The following RADIL variants were observed in gnomAD, a reference collection of about 807,000 sequenced individuals.
RADIL encodes ras-associating and dilute domain-containing protein.
Under a neutral mutation model 97.6 loss-of-function variants are expected in RADIL, and 99 were observed. That is an observed-to-expected ratio of 1.01 (90% CI 0.86 to 1.20). The LOEUF (loss-of-function observed/expected upper bound fraction) is 1.20, where lower values mean the gene tolerates loss of function less well. Ranked by LOEUF, RADIL falls within the 50% of genes most tolerant of loss-of-function variation. The pLI is 0.00. For missense variants in RADIL, 1,765 were observed against 1,498.9 expected, an observed-to-expected ratio of 1.18 and a Z score of -2.93; for synonymous variants, 803 against 691.8, an observed-to-expected ratio of 1.16 and a Z score of -2.52.
rs1487607112 is a variant in RADIL, at chr7:4,818,674, C to T, written c.1616-1323G>A. Among the ~76,000 whole-genome samples, 1 of 152,194 alleles carries T rather than the reference C, an allele frequency of 6.6e-6. No individual in the cohort carries two copies. The highest frequency in any genetic ancestry group is 2.4e-5 in the African/African-American group (1 of 41,460). ...TGCCGGCAAAGGATATTCACAGCCA[C>T]GGCAGGCGGGTCAGGAGGCTGAGCT... On this transcript the variant is annotated intron_variant, in intron 6 of 14. Coordinates refer to ENST00000399583, the MANE Select transcript of RADIL (RefSeq NM_018059.5). The surrounding 1 kb of genome is among the most constrained non-coding windows in gnomAD (Gnocchi z 7.1).
At chr7:4,861,255 T>G (rs1276414250) in intron 2 of RADIL, 2 of 1,614,174 alleles carry the variant, frequency 1.2e-6, no homozygotes, top group Non-Finnish European at 1.7e-6. Flanking sequence ...CTGTCATCTC[T>G]TAAGTCCAAA....
chr7:4,800,395 G>T, intron 12 of RADIL, 85 bp from the exon 13 acceptor site: 1 of 1,343,470 alleles, frequency 7.4e-7, no homozygotes, highest in South Asian at 1.6e-5. Context: ...GGCTGCCTCT[G>T]TAGGGCGTCA....
rs1265455416 is a variant in RADIL, at chr7:4,872,198, A to G, written c.535+5407T>C. On this transcript the variant is annotated intron_variant, in intron 2 of 14. Coordinates refer to ENST00000399583, the MANE Select transcript of RADIL (RefSeq NM_018059.5). This position sits in a 1 kb window ranked among gnomAD's most constrained non-coding sequence, Gnocchi z 5.8. ...GCCAGGTCCAATACTGCAGCTCTCAATAGAGGGCAGGTCTGCCTCCAGGGA... is the reference window on the plus strand; with the variant it reads ...GCCAGGTCCAATACTGCAGCTCTCAGTAGAGGGCAGGTCTGCCTCCAGGGA... Among the ~76,000 whole-genome samples, 1 of 152,156 alleles carries G rather than the reference A, an allele frequency of 6.6e-6. No homozygotes were observed. The highest frequency in any genetic ancestry group is 1.5e-5 in the Non-Finnish European group (1 of 68,020).
At position 4,856,327 on chromosome 7, in the gene RADIL, C is replaced by A. The variant is rs1043834471; in HGVS notation, c.536-19722G>T. Among the ~76,000 whole-genome samples the A allele has an allele frequency of 5.3e-5, 8 of 151,924 alleles. No individual in the cohort carries two copies. The South Asian group carries it at 8.3e-4, about 16-fold the overall frequency. ...TTTTTGCCATGTTGCCCAGGCTGAT[C>A]TCGAACTCCTGGTCTCAAGCGATCC... On this transcript the variant is annotated intron_variant, in intron 2 of 14. Coordinates refer to ENST00000399583, the MANE Select transcript of RADIL (RefSeq NM_018059.5).
At position 4,817,312 on chromosome 7, in the gene RADIL, C is replaced by T. The variant is rs1390490897; in HGVS notation, c.1655G>A (p.Ser552Asn). 1 of 1,612,532 alleles carries T rather than the reference C, an allele frequency of 6.2e-7. No individual in the cohort carries two copies. Among genetic ancestry groups the T allele is most frequent in the African/African-American group, 1.3e-5 (1 of 74,928 alleles). ...ESLFSCTLTASEEAMAVLEEV... is the reference protein window; with the variant it reads ...ESLFSCTLTANEEAMAVLEEV... The stretch of plus-strand genomic sequence containing the variant: ...CTCCAGCACCGCCATGGCCTCCTCG[C>T]TGGCCGTCAGCGTGCAGGAGAACAG... Residue 552 changes from serine (S) to asparagine (N), a missense_variant, in exon 7 of 15, where the codon AGC (serine) becomes AAC (asparagine). Coordinates refer to ENST00000399583, the MANE Select transcript of RADIL (RefSeq NM_018059.5). This position sits in a 1 kb window ranked among gnomAD's most constrained non-coding sequence, Gnocchi z 8.3.
intron 5 of RADIL, among the ~76,000 whole-genome samples, 188 bp downstream of exon 5, chr7:4,831,953 T>C (rs1188006947): frequency 6.6e-6 from 1 of 152,042 alleles, no homozygotes; most frequent in African/African-American, 2.4e-5. Flanking sequence ...TGAAGCAATT[T>C]CCCAAAACTC....
At position 4,859,907 on chromosome 7, in the gene RADIL, A is replaced by T. The variant is rs780162758; in HGVS notation, c.535+17698T>A. 3.1e-6 allele frequency: 5 copies of T among 1,604,184 alleles called. 1 individual carries two copies. Among genetic ancestry groups the T allele is most frequent in the South Asian group, 1.1e-5 (1 of 90,736 alleles). Reference sequence around the variant, plus strand: ...TCCTCTAGACTCCAACTATAGGATTAGATATGTTTGTTGCTGAGTTTCCTG... The same window carrying T: ...TCCTCTAGACTCCAACTATAGGATTTGATATGTTTGTTGCTGAGTTTCCTG... On this transcript the variant is annotated intron_variant, in intron 2 of 14. Coordinates refer to ENST00000399583, the MANE Select transcript of RADIL (RefSeq NM_018059.5).
intron 2 of RADIL, among the ~76,000 whole-genome samples, chr7:4,855,393 G>C (rs1583309995): frequency 6.6e-6 from 1 of 151,998 alleles, no homozygotes; most frequent in East Asian, 1.9e-4. Context: ...AGACTAAGGG[G>C]ATCAGTAAGA....
intron 2 of RADIL, chr7:4,861,770 G>T: frequency 6.7e-7 from 1 of 1,485,870 alleles, no homozygotes; most frequent in Non-Finnish European, 8.9e-7. Flanking sequence ...CGGCGGCGCC[G>T]GCTGCGGTGG....
At chr7:4,864,614 A>T (rs962794971) in intron 2 of RADIL, among the ~76,000 whole-genome samples, 1 of 152,176 alleles carries the variant, frequency 6.6e-6, no homozygotes, top group Non-Finnish European at 1.5e-5. Context: ...TTAGGAAATG[A>T]CATCTCTTTC....
At chr7:4,843,950 T>G (rs1783508124) in intron 2 of RADIL, among the ~76,000 whole-genome samples, 1 of 149,022 alleles carries the variant, frequency 6.7e-6, no homozygotes, top group Non-Finnish European at 1.5e-5. Flanking sequence ...GAAGGAACTG[T>G]GGCTAAACAG....
intron 5 of RADIL, among the ~76,000 whole-genome samples, chr7:4,830,234 A>G (rs898890376): frequency 6.6e-6 from 1 of 152,212 alleles, no homozygotes; most frequent in Non-Finnish European, 1.5e-5. Context: ...GCAGTGGCTG[A>G]AAGTCATTCC....
chr7:4,847,335 C>A (rs886434437), intron 2 of RADIL, among the ~76,000 whole-genome samples: 7 of 152,040 alleles, frequency 4.6e-5, no homozygotes, highest in Admixed American at 1.3e-4. Flanking sequence ...ACAACAACAA[C>A]AAAAAAGTTA....
At chr7:4,805,220 G>A (rs576898068) in intron 10 of RADIL, 47 of 305,066 alleles carry the variant, frequency 1.5e-4, no homozygotes, top group African/African-American at 5.9e-4. Flanking sequence ...GCGTCCCCAC[G>A]GCTGTGTACC....
rs552125019 is a variant in RADIL, at chr7:4,836,567, C to G, written c.574G>C (p.Ala192Pro). 6.2e-7 allele frequency: 1 copy of G among 1,607,478 alleles called. No homozygotes were observed. Among genetic ancestry groups the G allele is most frequent in the Non-Finnish European group, 8.5e-7 (1 of 1,179,488 alleles). ...AQARRLQRSRAKGTPTPALGD... is the reference protein window; with the variant it reads ...AQARRLQRSRPKGTPTPALGD... ...AGGGCCGGGGTCGGGGTTCCCTTCG[C>G]GCGACTCCGCTGCAGCCTCCGGGCC... is the stretch of plus-strand genomic sequence containing the variant. Residue 192 changes from alanine (A) to proline (P), a missense_variant, in exon 3 of 15, where the codon GCG becomes CCG. Physicochemically the swap from Ala to Pro is conservative, Grantham distance 27. Transcript: ENST00000399583.
chr7:4,801,563 C>G, intron 12 of RADIL, 90 bp downstream of exon 12: 2 of 1,398,502 alleles, frequency 1.4e-6, no homozygotes, highest in South Asian at 1.3e-5. Flanking sequence ...AACCTAGGAC[C>G]CAAGGGGGGA....
Position 4,879,825 on chromosome 7 carries a change from G to A in RADIL, c.-64-1622C>T, listed in dbSNP as rs949724313. Reference sequence around the variant, plus strand: ...ACTGGCCTCTTTCTAATATCACCGGGGCGTGGGTCATCTTCTCTGGAGCCT... The same window carrying A: ...ACTGGCCTCTTTCTAATATCACCGGAGCGTGGGTCATCTTCTCTGGAGCCT... On this transcript the variant is annotated intron_variant, in intron 1 of 14. Coordinates refer to ENST00000399583, the MANE Select transcript of RADIL (RefSeq NM_018059.5). This position sits in a 1 kb window ranked among gnomAD's most constrained non-coding sequence, Gnocchi z 4.1. 3.9e-5 allele frequency among the ~76,000 whole-genome samples: 6 copies of A among 152,110 alleles called. No homozygotes were observed. In the South Asian group the frequency reaches 8.3e-4, roughly 21 times the overall value.
In RADIL at chr7:4,837,755, C is replaced by T. The variant is rs1783339427; in HGVS notation, c.536-1150G>A. On this transcript the variant is annotated intron_variant, in intron 2 of 14. Transcript: ENST00000399583. This position sits in a 1 kb window ranked among gnomAD's most constrained non-coding sequence, Gnocchi z 5.6. The stretch of plus-strand genomic sequence containing the variant: ...CACACCCTTAGAAGACTTAATATCT[C>T]ATAAATACAGACACGCTCTCTAAAT... The T allele has an allele frequency of 1.2e-6, 1 of 840,856 alleles. No individual in the cohort carries two copies. The highest frequency in any genetic ancestry group is 5.5e-5 in the South Asian group (1 of 18,272). The allele number at this position is 840,856 out of a possible 1,614,324, so 52.1% of individuals were successfully genotyped here. A position where few individuals can be genotyped will look rare whatever the true frequency, so the allele number is the denominator to read the frequency against.
Position 4,799,323 on chromosome 7 carries a change from A to G in RADIL, c.*55T>C, listed in dbSNP as rs535985608. ...CAGGGACGAAGGCGGGAGGAAGCCC[A>G]GTGTCACCAGGTGGGACCGGGTGCC... is the stretch of plus-strand genomic sequence containing the variant. On this transcript the variant is annotated 3_prime_UTR_variant, in exon 15 of 15. Coordinates refer to ENST00000399583, the MANE Select transcript of RADIL (RefSeq NM_018059.5). 4.4e-5 allele frequency: 69 copies of G among 1,556,756 alleles called. No homozygotes were observed. The highest frequency in any genetic ancestry group is 8.4e-5 in the Admixed American group (5 of 59,350).
Sources: allele counts gnomAD v4.1 joint callset (sites outside exome capture counted in the v4.1 genomes callset), GRCh38; gene constraint gnomAD v4.1.1; non-coding constraint Gnocchi (gnomAD v3.1); transcripts MANE v1.5; gene names NCBI Gene and HGNC (gene_info 2026-07-23, HGNC 2026-07-21).